The following ABCB8 variants were observed in gnomAD, a reference collection of about 807,000 sequenced individuals.
ABCB8 encodes mitochondrial potassium channel ATP-binding subunit.
Under a neutral mutation model 73.0 loss-of-function variants are expected in ABCB8, and 52 were observed. The ratio of observed to expected loss-of-function variants is 0.71; its 90% CI spans 0.57 to 0.90. The LOEUF (loss-of-function observed/expected upper bound fraction) is 0.90. Among genes scored for constraint, ABCB8 ranks in the 40% least tolerant of loss-of-function variants. ABCB8 has a pLI of 0.00. For missense variants in ABCB8, 909 were observed against 974.6 expected (o/e 0.93, Z 0.90); for synonymous variants, 428 against 423.5 (o/e 1.01, Z -0.13).
In ABCB8 at chr7:151,033,835, A is replaced by C; in HGVS notation, c.326A>C (p.His109Pro). 5 of 1,613,700 alleles carry C rather than the reference A, an allele frequency of 3.1e-6. No individual in the cohort carries two copies. Among genetic ancestry groups the C allele is most frequent in the Non-Finnish European group, 3.4e-6 (4 of 1,179,894 alleles). ...EEAPPASSTP[H>P]VVGSRFNWKL... ...GCCCCTCCTGCCAGCTCCACACCCC[A>C]TGTCGTGGGGTCTCGCTTTAACTGG... The change falls in exon 2 of 16, where the codon CAT becomes CCT. Residue 109 changes from histidine (H) to proline (P), a missense_variant. By Grantham distance (77) the His-to-Pro change is moderately conservative. Transcript: ENST00000358849.
At position 151,047,212 on chromosome 7, in the gene ABCB8, C is replaced by T. The variant is rs1796634514; in HGVS notation, c.*1863C>T. On this transcript the variant is annotated 3_prime_UTR_variant, in exon 16 of 16. Transcript: ENST00000358849. Reference sequence around the variant, plus strand: ...CGGCTTCTTTAAATCCAGCCCTTCACCCGCCCCCTAGAGAAGCAGTGAAAC... The same window carrying T: ...CGGCTTCTTTAAATCCAGCCCTTCATCCGCCCCCTAGAGAAGCAGTGAAAC... The T allele has an allele frequency of 6.6e-6, 1 of 152,264 alleles. No homozygotes were observed. The highest frequency in any genetic ancestry group is 1.5e-5 in the Non-Finnish European group (1 of 68,058). 9.4% of individuals were successfully genotyped at this position (152,264 alleles called of 1,614,324 possible).
At chr7:151,044,709 G>A (rs947748672) in intron 15 of ABCB8, among the ~76,000 whole-genome samples, 4 of 152,172 alleles carry the variant, frequency 2.6e-5, no homozygotes, top group African/African-American at 7.2e-5. Context: ...GTGCCATTGC[G>A]CTCCAGCCTG....
rs1325555690 is a variant in ABCB8, at chr7:151,047,507, GC to G, written c.*2161del. 1 of 152,258 alleles carries G rather than the reference GC, an allele frequency of 6.6e-6. No homozygotes were observed. The highest frequency in any genetic ancestry group is 1.5e-5 in the Non-Finnish European group (1 of 68,056). 9.4% of individuals were successfully genotyped at this position (152,258 alleles called of 1,614,324 possible). A position where few individuals can be genotyped will look rare whatever the true frequency, so the allele number is the denominator to read the frequency against. ...TCAAGCACCTGTCATGTGCCATTGA[GC>G]CCACGATGGGGAATGAGGACAGTCC... On this transcript the variant is annotated 3_prime_UTR_variant, in exon 16 of 16. Coordinates refer to ENST00000358849, the MANE Select transcript of ABCB8 (RefSeq NM_007188.5).
rs147880676 is a variant in ABCB8 at position 151,034,553 on chromosome 7, C to G, written c.613C>G (p.Arg205Gly). The change falls in exon 4 of 16, where the codon CGC (arginine) becomes GGC (glycine). Residue 205 changes from arginine (R) to glycine (G), a missense_variant. By Grantham distance (125) the Arg-to-Gly change is moderately radical. Coordinates refer to ENST00000358849, the MANE Select transcript of ABCB8 (RefSeq NM_007188.5). ...YLVLLSHVGE[R>G]MAVDMRRALF... The stretch of plus-strand genomic sequence containing the variant: ...GGTGCTGCTGTCCCACGTTGGCGAG[C>G]GCATGGCTGTGGACATGCGGAGGGC... 90 of 1,613,400 alleles carry G rather than the reference C, an allele frequency of 5.6e-5. 1 individual carries two copies. The highest frequency in any genetic ancestry group is 7.5e-5 in the Non-Finnish European group (88 of 1,180,010).
chr7:151,032,567 G>T (rs1391174630), intron 1 of ABCB8, among the ~76,000 whole-genome samples: 1 of 152,046 alleles, frequency 6.6e-6, no homozygotes, highest in East Asian at 1.9e-4. Context: ...GGTGGCTCGT[G>T]CCTGTAGTCC....
At chr7:151,032,238 C>G (rs1796183025) in intron 1 of ABCB8, among the ~76,000 whole-genome samples, 1 of 152,340 alleles carries the variant, frequency 6.6e-6, no homozygotes, top group South Asian at 2.1e-4. Flanking sequence ...TCCTGACTCC[C>G]TCTGAGGAGA....
At position 151,036,565 on chromosome 7, in the gene ABCB8, T is replaced by C. The variant is rs867967631; in HGVS notation, c.1133T>C (p.Phe378Ser). 6.2e-7 allele frequency: 1 copy of C among 1,614,056 alleles called. No homozygotes were observed. The highest frequency in any genetic ancestry group is 2.2e-5 in the East Asian group (1 of 44,888). Residue 378 changes from phenylalanine to serine, a missense_variant, in exon 9 of 16, where the codon TTT (phenylalanine) becomes TCT (serine). Phe to Ser is a radical substitution (Grantham distance 155). Transcript: ENST00000358849. ...AFNCMVLGTLFIGGSLVAGQQ... is the reference protein window; with the variant it reads ...AFNCMVLGTLSIGGSLVAGQQ... ...GCAGGCATGGTCTTGGGTACCCTAT[T>C]TATTGGGGGCTCCCTTGTGGCCGGA...
At position 151,033,738 on chromosome 7, in the gene ABCB8, GC is replaced by G. The variant is rs1178863499; in HGVS notation, c.232del (p.Leu78CysfsTer2). On this transcript the variant is annotated frameshift_variant, in exon 2 of 16. Transcript: ENST00000358849. LOFTEE classifies it high-confidence loss of function. ...CTCTGCCTGGTGCTGGGTTGGGGGA[GC>G]CCTGCTAGGCCCCATGGTACTGAGT... ...SPSAWCWVGG[A>X]LLGPMVLSKH... 1 of 1,613,970 alleles carries G rather than the reference GC, an allele frequency of 6.2e-7. No individual in the cohort carries two copies. Among genetic ancestry groups the G allele is most frequent in the African/African-American group, 1.3e-5 (1 of 75,036 alleles).
At position 151,033,601 on chromosome 7, in the gene ABCB8, A is replaced by T. The variant is rs749084624; in HGVS notation, c.96-4A>T. 4.3e-5 allele frequency: 67 copies of T among 1,559,694 alleles called. No individual in the cohort carries two copies. The highest frequency in any genetic ancestry group is 3.5e-4 in the Middle Eastern group (2 of 5,788). On this transcript the variant is annotated splice_polypyrimidine_tract_variant and splice_region_variant and intron_variant, in intron 1 of 15. Coordinates refer to ENST00000358849, the MANE Select transcript of ABCB8 (RefSeq NM_007188.5). ...AAGCCATCCATGCCTCTCTCTCCTT[A>T]CAGGTACTCTGATGGCTACCGCAGC...
At chr7:151,037,721 A>G in intron 9 of ABCB8, 1 of 295,272 alleles carries the variant, frequency 3.4e-6, no homozygotes, top group South Asian at 3.1e-5. Context: ...GCCCTGCTGC[A>G]TGGTGCACCC....
chr7:151,040,488 C>T lies in ABCB8; in HGVS notation c.1252-10C>T, dbSNP rs1796425635. ...CTGCCTCCCTGCGGACTTTGGATCC[C>T]CTCCCACAGGTGGTCCGGGGGCTGA... On this transcript the variant is annotated splice_polypyrimidine_tract_variant and intron_variant, in intron 10 of 15. Coordinates refer to ENST00000358849, the MANE Select transcript of ABCB8 (RefSeq NM_007188.5). 2 of 1,605,376 alleles carry T rather than the reference C, an allele frequency of 1.2e-6. No individual in the cohort carries two copies. Among genetic ancestry groups the T allele is most frequent in the Admixed American group, 1.7e-5 (1 of 59,466 alleles).
chr7:151,042,036 T>C lies in ABCB8; in HGVS notation c.1693T>C (p.Tyr565His). 3 of 1,613,082 alleles carry C rather than the reference T, an allele frequency of 1.9e-6. No individual in the cohort carries two copies. The highest frequency in any genetic ancestry group is 2.5e-6 in the Non-Finnish European group (3 of 1,179,980). Residue 565 changes from tyrosine to histidine, a missense_variant, in exon 14 of 16, where the codon TAC (tyrosine) becomes CAC (histidine). Physicochemically the swap from Tyr to His is moderately conservative, Grantham distance 83. Coordinates refer to ENST00000358849, the MANE Select transcript of ABCB8 (RefSeq NM_007188.5). ...GKLEASDEEVYTAAREANAHE... is the reference protein window; with the variant it reads ...GKLEASDEEVHTAAREANAHE... ...GCTGGAAGCTTCCGATGAAGAGGTG[T>C]ACACAGCCGCCCGGGAAGCGAATGC...
At chr7:151,036,951 C>T in intron 9 of ABCB8, 1 of 703,408 alleles carries the variant, frequency 1.4e-6, no homozygotes, top group Non-Finnish European at 2.6e-6. Flanking sequence ...GTAAAGTACA[C>T]AAAACATAAA....
chr7:151,045,479 T>A lies in ABCB8; in HGVS notation c.*130T>A. On this transcript the variant is annotated 3_prime_UTR_variant, in exon 16 of 16. Coordinates refer to ENST00000358849, the MANE Select transcript of ABCB8 (RefSeq NM_007188.5). ...GGAGAGTCGCTGCGGCTGCTCCTGC[T>A]CACAATAAAGCCGGGGCCGAGCAGC... 4.2e-6 allele frequency: 5 copies of A among 1,202,512 alleles called. No homozygotes were observed. 74.5% of individuals were successfully genotyped at this position (1,202,512 alleles called of 1,614,324 possible).
At chr7:151,042,267 A>T (rs4148851) in intron 14 of ABCB8, among the ~76,000 whole-genome samples, 159 bp downstream of exon 14, 7,882 of 152,254 alleles carry the variant, frequency 0.052, 253 homozygotes, top group East Asian at 0.082. Context: ...AAGGGGACAG[A>T]GTCGTTGTGT....
Position 151,040,589 on chromosome 7 carries a change from A to G in ABCB8, c.1343A>G (p.Lys448Arg), listed in dbSNP as rs777620567. The G allele has an allele frequency of 2.5e-6, 4 of 1,613,292 alleles. No individual in the cohort carries two copies. In the Admixed American group the frequency reaches 5.0e-5, roughly 20 times the overall value. Residue 448 changes from lysine (K) to arginine (R), a missense_variant, in exon 11 of 16, where the codon AAA becomes AGA. Physicochemically the swap from Lys to Arg is conservative, Grantham distance 26. Coordinates refer to ENST00000358849, the MANE Select transcript of ABCB8 (RefSeq NM_007188.5). ...IPLSGGCCVP[K>R]EQLRGSVTFQ... ...CTGTCTGGGGGCTGCTGCGTCCCCA[A>G]AGAGCAGCTGCGTGGCTCCGTTACA...
chr7:151,028,865 G>T, intron 1 of ABCB8: 6 of 1,531,438 alleles, frequency 3.9e-6, no homozygotes, highest in Non-Finnish European at 5.3e-6. Context: ...CAGTGACCAC[G>T]CCCAGTCCGC....
rs1226225590 is a variant in ABCB8 at position 151,036,554 on chromosome 7, G to C, written c.1122G>C (p.Leu374Phe). 6.2e-7 allele frequency: 1 copy of C among 1,614,032 alleles called. No individual in the cohort carries two copies. The change falls in exon 9 of 16, where the codon TTG (leucine) becomes TTC (phenylalanine). Residue 374 changes from leucine (L) to phenylalanine (F), a missense_variant. Coordinates refer to ENST00000358849, the MANE Select transcript of ABCB8 (RefSeq NM_007188.5). ...TCCCCTCTCCTGCAGGCATGGTCTT[G>C]GGTACCCTATTTATTGGGGGCTCCC... ...LSNIAFNCMV[L>F]GTLFIGGSLV...
In ABCB8 at chr7:151,041,245, A is replaced by C; in HGVS notation, c.1617+13A>C. The C allele has an allele frequency of 6.3e-7, 1 of 1,593,270 alleles. No homozygotes were observed. ...CTTCATCAGCCAGGTGCGGGGCCAC[A>C]TGGGCAGCCCTTGGCTCCCACTGCC... On this transcript the variant is annotated intron_variant, in intron 13 of 15. Coordinates refer to ENST00000358849, the MANE Select transcript of ABCB8 (RefSeq NM_007188.5).
Sources: allele counts gnomAD v4.1 joint callset (sites outside exome capture counted in the v4.1 genomes callset), GRCh38; gene constraint gnomAD v4.1.1; transcripts MANE v1.5; gene names NCBI Gene and HGNC (gene_info 2026-07-23, HGNC 2026-07-21).